Variants in OTOP1 observed in about 807,000 individuals in gnomAD.
OTOP1 encodes otopetrin 1.
A neutral mutation model predicts 52.9 loss-of-function variants in OTOP1; 59 were observed. That is an observed-to-expected ratio of 1.12 (90% confidence interval 0.91 to 1.39). OTOP1 has a LOEUF of 1.39. Among genes scored for constraint, OTOP1 ranks in the 40% most tolerant of loss-of-function variants. The probability of loss-of-function intolerance (pLI) is 0.00; values close to 1 mark genes in which losing one functional copy is unlikely to be tolerated. For synonymous variants in OTOP1, 317 were observed against 337.7 expected, an observed-to-expected ratio of 0.94 and a Z score of 0.67; for missense variants, 761 against 800.9, an observed-to-expected ratio of 0.95 and a Z score of 0.60.
intron 2 of OTOP1, among the ~76,000 whole-genome samples, chr4:4,210,984 G>A (rs1177920847): frequency 1.3e-5 from 2 of 152,098 alleles, no homozygotes; most frequent in African/African-American, 4.8e-5. Context: ...TTTCACAGGG[G>A]ATACAACTCA....
intron 4 of OTOP1, among the ~76,000 whole-genome samples, chr4:4,200,411 G>T (rs2108798548): frequency 6.6e-6 from 1 of 151,124 alleles, no homozygotes; most frequent in East Asian, 1.9e-4. Flanking sequence ...GGGAGGCAGA[G>T]CTTGCAGTGA....
intron 5 of OTOP1, among the ~76,000 whole-genome samples, chr4:4,194,473 C>T (rs552153034): frequency 2.6e-5 from 4 of 152,348 alleles, no homozygotes; most frequent in East Asian, 1.9e-4. Flanking sequence ...CCGCCTTCAG[C>T]GCCCCTCCTC....
intron 5 of OTOP1, among the ~76,000 whole-genome samples, chr4:4,193,664 G>A (rs1230244279): frequency 1.3e-5 from 2 of 152,120 alleles, no homozygotes; most frequent in Admixed American, 6.5e-5. Flanking sequence ...GTGCCTGGGG[G>A]CATCATAGAC....
At chr4:4,202,427 C>T (rs1269981055) in intron 4 of OTOP1, 21 bp downstream of exon 4, 4 of 1,612,366 alleles carry the variant, frequency 2.5e-6, no homozygotes, top group African/African-American at 1.3e-5. Flanking sequence ...AGAAGGGCCA[C>T]TCACCTCTCT....
intron 2 of OTOP1, among the ~76,000 whole-genome samples, chr4:4,210,110 C>T (rs61354128): frequency 0.01 from 1,526 of 152,310 alleles, 29 homozygotes; most frequent in African/African-American, 0.035. Flanking sequence ...TAACTGACAC[C>T]CCTATGGTGT....
At chr4:4,198,842 T>C (rs113890079) in intron 4 of OTOP1, among the ~76,000 whole-genome samples, 2 of 152,194 alleles carry the variant, frequency 1.3e-5, no homozygotes, top group Non-Finnish European at 2.9e-5. Context: ...CCCATAATTC[T>C]GTTCTTTCCA....
chr4:4,202,345 A>C (rs551074674), intron 4 of OTOP1, 103 bp downstream of exon 4: 1 of 1,531,418 alleles, frequency 6.5e-7, no homozygotes, highest in Non-Finnish European at 9.0e-7. Flanking sequence ...GTGGCCCTGC[A>C]GTTCTTTGGA....
intron 5 of OTOP1, among the ~76,000 whole-genome samples, chr4:4,189,689 T>A (rs1286539276): frequency 6.6e-5 from 10 of 152,214 alleles, no homozygotes; most frequent in Non-Finnish European, 1.0e-4. Context: ...CTGCTATCCC[T>A]CTTGCTCATC....
Position 4,197,593 on chromosome 4 carries a change from C to T in OTOP1, c.1241G>A (p.Cys414Tyr), listed in dbSNP as rs1252896007. ...ISWGSILAILCAEGHPRYTWY... is the reference protein window; with the variant it reads ...ISWGSILAILYAEGHPRYTWY... ...GGTGTAGCGGGGGTGGCCCTCAGCA[C>T]AGAGGATGGCCAAGATTGAGCCCCA... The change falls in exon 5 of 6, where the codon TGT becomes TAT. Residue 414 changes from cysteine (C) to tyrosine (Y), a missense_variant. Cys to Tyr is a radical substitution (Grantham distance 194). This residue lies in a region of OTOP1 where 632 missense variants were observed against 619.5 expected (regional missense o/e 1.02). Transcript: ENST00000296358. 1 of 1,613,934 alleles carries T rather than the reference C, an allele frequency of 6.2e-7. No homozygotes were observed. The highest frequency in any genetic ancestry group is 8.5e-7 in the Non-Finnish European group (1 of 1,179,984).
In OTOP1 at chr4:4,208,339, G is replaced by A. The variant is rs1025856266; in HGVS notation, c.541-2209C>T. Among the ~76,000 whole-genome samples, 133 of 152,160 alleles carry A rather than the reference G, an allele frequency of 8.7e-4. 1 individual carries two copies. The highest frequency in any genetic ancestry group is 2.8e-3 in the African/African-American group (117 of 41,440). ...AGAATGGGAGGCAGGTTTGCCTGAC[G>A]CAGTTCCCAGCTTGACTTTTCCCTT... On this transcript the variant is annotated intron_variant, in intron 2 of 5. Coordinates refer to ENST00000296358, the MANE Select transcript of OTOP1 (RefSeq NM_177998.3).
At chr4:4,224,723 C>G (rs186554590) in intron 1 of OTOP1, among the ~76,000 whole-genome samples, 1 of 152,212 alleles carries the variant, frequency 6.6e-6, no homozygotes, top group African/African-American at 2.4e-5. Flanking sequence ...TGAACTAGAT[C>G]CAGTCCCTGA....
chr4:4,203,745 G>A (rs938125427), intron 3 of OTOP1, among the ~76,000 whole-genome samples: 1 of 152,202 alleles, frequency 6.6e-6, no homozygotes, highest in Non-Finnish European at 1.5e-5. Context: ...CTGGTGATTT[G>A]AGAGAGGTAT....
chr4:4,211,424 T>G (rs570689485), intron 2 of OTOP1, among the ~76,000 whole-genome samples: 62 of 150,198 alleles, frequency 4.1e-4, no homozygotes, highest in African/African-American at 1.4e-3. Context: ...GTCACTTGTC[T>G]TCTCTGAGCT....
At chr4:4,202,418 G>T in intron 4 of OTOP1, 30 bp downstream of exon 4, 3 of 1,611,990 alleles carry the variant, frequency 1.9e-6, no homozygotes, top group Non-Finnish European at 2.5e-6. Flanking sequence ...CAACATGGCA[G>T]AAGGGCCACT....
chr4:4,191,550 T>C (rs1716506621), intron 5 of OTOP1, among the ~76,000 whole-genome samples: 1 of 152,100 alleles, frequency 6.6e-6, no homozygotes, highest in Non-Finnish European at 1.5e-5. Context: ...CCAGAACCGC[T>C]CACTCCCACC....
At chr4:4,208,682 G>T (rs987802716) in intron 2 of OTOP1, among the ~76,000 whole-genome samples, 3 of 151,812 alleles carry the variant, frequency 2.0e-5, no homozygotes, top group Non-Finnish European at 4.4e-5. Context: ...AGATGAAAAA[G>T]GTCCTCAGAT....
At chr4:4,208,222 G>A (rs1010712928) in intron 2 of OTOP1, among the ~76,000 whole-genome samples, 4 of 152,184 alleles carry the variant, frequency 2.6e-5, no homozygotes, top group African/African-American at 9.7e-5. Flanking sequence ...AGATCTTGGA[G>A]CCCACAAGGA....
chr4:4,190,690 T>G (rs1455592131), intron 5 of OTOP1, among the ~76,000 whole-genome samples: 1 of 152,186 alleles, frequency 6.6e-6, no homozygotes, highest in African/African-American at 2.4e-5. Context: ...CCATTTTATA[T>G]AGAGGACTTG....
chr4:4,204,636 G>C (rs936655543), intron 3 of OTOP1, among the ~76,000 whole-genome samples: 2 of 151,926 alleles, frequency 1.3e-5, no homozygotes, highest in Admixed American at 6.6e-5. Flanking sequence ...CTCATCACTG[G>C]ATTTGACAAT....
Sources: allele counts gnomAD v4.1 joint callset (sites outside exome capture counted in the v4.1 genomes callset), GRCh38; gene constraint gnomAD v4.1.1; regional missense constraint gnomAD v4.1.1; transcripts MANE v1.5; gene names NCBI Gene and HGNC (gene_info 2026-07-23, HGNC 2026-07-21).